Variants in EFL1 observed in about 807,000 individuals in gnomAD.
EFL1 encodes elongation factor-like GTPase 1.
Under a neutral mutation model 126.7 loss-of-function variants are expected in EFL1, and 76 were observed. The ratio of observed to expected loss-of-function variants is 0.60; its 90% CI spans 0.50 to 0.73. The LOEUF (loss-of-function observed/expected upper bound fraction) is 0.73, where lower values mean the gene tolerates loss of function less well. Among genes scored for constraint, EFL1 ranks in the 30% least tolerant of loss-of-function variants. The pLI is 0.00. For synonymous variants in EFL1, 410 were observed against 448.4 expected, an observed-to-expected ratio of 0.91 and a Z score of 1.08; for missense variants, 1,128 against 1,343.2, an observed-to-expected ratio of 0.84 and a Z score of 2.50.
intron 4 of EFL1, among the ~76,000 whole-genome samples, chr15:82,246,927 C>A (rs2074978173): frequency 6.6e-6 from 1 of 152,052 alleles, no homozygotes; most frequent in Non-Finnish European, 1.5e-5. Context: ...GTCTGGAGGA[C>A]CACTTGAGAA....
intron 17 of EFL1, among the ~76,000 whole-genome samples, chr15:82,156,340 G>A (rs1188899574): frequency 6.6e-6 from 1 of 152,162 alleles, no homozygotes; most frequent in Admixed American, 6.5e-5. Flanking sequence ...AGGCTACAGT[G>A]CAGTGGTGTG....
At chr15:82,246,109 T>C (rs2074970717) in intron 4 of EFL1, among the ~76,000 whole-genome samples, 1 of 152,072 alleles carries the variant, frequency 6.6e-6, no homozygotes, top group African/African-American at 2.4e-5. Flanking sequence ...CTGATTACAT[T>C]TGGCCTCACC....
intron 4 of EFL1, among the ~76,000 whole-genome samples, chr15:82,251,675 C>T (rs1468039989): frequency 1.3e-5 from 2 of 152,044 alleles, no homozygotes; most frequent in African/African-American, 4.8e-5. Flanking sequence ...CATTAAACAT[C>T]GAGAAATCAT....
At chr15:82,149,280 T>C (rs2073882883) in intron 18 of EFL1, among the ~76,000 whole-genome samples, 1 of 152,174 alleles carries the variant, frequency 6.6e-6, no homozygotes, top group Non-Finnish European at 1.5e-5. Flanking sequence ...ATAGACTCAG[T>C]ACTCATACAC....
chr15:82,259,389 C>T (rs1375659561), intron 2 of EFL1, among the ~76,000 whole-genome samples: 2 of 152,218 alleles, frequency 1.3e-5, no homozygotes, highest in Non-Finnish European at 2.9e-5. Flanking sequence ...TGGATCTACT[C>T]AACCTCATCT....
chr15:82,148,611 T>G (rs1043784563), intron 18 of EFL1, among the ~76,000 whole-genome samples: 1 of 152,090 alleles, frequency 6.6e-6, no homozygotes, highest in East Asian at 1.9e-4. Context: ...GTGGAACAAG[T>G]TGAAGTGGGA....
intron 14 of EFL1, chr15:82,215,550 T>C (rs1258950911): frequency 1.3e-5 from 2 of 152,312 alleles, no homozygotes; most frequent in East Asian, 3.9e-4. Context: ...ATTCAAATTT[T>C]GCATTGTGTG....
rs1595987676 is a variant in EFL1, at chr15:82,214,977, A to C, written c.1612-122T>G. 6 of 870,384 alleles carry C rather than the reference A, an allele frequency of 6.9e-6. No homozygotes were observed. The East Asian group carries it at 1.8e-4, about 26-fold the overall frequency. The allele number at this position is 870,384 out of a possible 1,614,324, so 53.9% of individuals were successfully genotyped here. Reference sequence around the variant, plus strand: ...ATAGCAACATTTCATGTAAACCTGAAATATGAACATTTGAAATGGTGTGAT... The same window carrying C: ...ATAGCAACATTTCATGTAAACCTGACATATGAACATTTGAAATGGTGTGAT... On this transcript the variant is annotated intron_variant, in intron 14 of 19. Coordinates refer to ENST00000268206, the MANE Select transcript of EFL1 (RefSeq NM_024580.6).
chr15:82,141,706 AAGAAAC>A (rs1168160951), intron 18 of EFL1, among the ~76,000 whole-genome samples: 1 of 151,840 alleles, frequency 6.6e-6, no homozygotes, highest in Non-Finnish European at 1.5e-5. Flanking sequence ...AAAAACAAAA[AAGAAAC>A]GTTTGAAGGT....
At chr15:82,146,690 G>T (rs2073850025) in intron 18 of EFL1, among the ~76,000 whole-genome samples, 1 of 151,660 alleles carries the variant, frequency 6.6e-6, no homozygotes, top group African/African-American at 2.4e-5. Flanking sequence ...GTTGGTCTCA[G>T]GGGCAAAGTA....
chr15:82,250,578 A>C (rs966655743), intron 4 of EFL1, among the ~76,000 whole-genome samples: 3 of 150,774 alleles, frequency 2.0e-5, no homozygotes, highest in African/African-American at 7.4e-5. Flanking sequence ...AGTCAGGGCA[A>C]GGTGAATGTA....
At chr15:82,210,181 T>C (rs763881064) in intron 15 of EFL1, among the ~76,000 whole-genome samples, 6 of 152,214 alleles carry the variant, frequency 3.9e-5, no homozygotes, top group Non-Finnish European at 7.3e-5. Flanking sequence ...CAAGAAATTA[T>C]CTACGATTAG....
intron 17 of EFL1, 135 bp downstream of exon 17, chr15:82,157,578 T>C: frequency 9.6e-7 from 1 of 1,042,172 alleles, no homozygotes; most frequent in Non-Finnish European, 1.4e-6. Context: ...CGAATAACTG[T>C]TCATGTCTGA....
intron 11 of EFL1, 88 bp from the exon 12 acceptor site, chr15:82,225,352 A>G: frequency 2.0e-6 from 2 of 1,023,416 alleles, no homozygotes; most frequent in Non-Finnish European, 2.8e-6. Context: ...TAAAATGTTT[A>G]GAACATGGAT....
intron 19 of EFL1, among the ~76,000 whole-genome samples, chr15:82,131,944 C>T (rs1471800624): frequency 6.6e-6 from 1 of 151,932 alleles, no homozygotes; most frequent in Non-Finnish European, 1.5e-5. Context: ...AAGTCAAGAG[C>T]CATCAAGTAT....
chr15:82,245,049 A>C (rs1426698886), intron 4 of EFL1, among the ~76,000 whole-genome samples: 1 of 152,158 alleles, frequency 6.6e-6, no homozygotes, highest in Non-Finnish European at 1.5e-5. Context: ...ACATGTTCCT[A>C]CATTCCTTAT....
At chr15:82,262,045 G>A (rs557629965) in intron 1 of EFL1, 40 of 364,948 alleles carry the variant, frequency 1.1e-4, no homozygotes, top group Non-Finnish European at 1.6e-4. Flanking sequence ...GATGAATCAC[G>A]CAGCTCGAGG....
At chr15:82,160,356 C>T (rs753856142) in intron 16 of EFL1, among the ~76,000 whole-genome samples, 2 of 152,266 alleles carry the variant, frequency 1.3e-5, no homozygotes, top group South Asian at 2.1e-4. Context: ...CGATGCTGAA[C>T]GCTTCCAAAT....
In EFL1 at chr15:82,214,591, C is replaced by T. The variant is rs1478409410; in HGVS notation, c.1750+126G>A. On this transcript the variant is annotated intron_variant, in intron 15 of 19. Coordinates refer to ENST00000268206, the MANE Select transcript of EFL1 (RefSeq NM_024580.6). Reference sequence around the variant, plus strand: ...ACTCCAATGTACTAAGTTAAAGATACCAGAAAAAAAAATTATCAAACTAAA... The same window carrying T: ...ACTCCAATGTACTAAGTTAAAGATATCAGAAAAAAAAATTATCAAACTAAA... 2.9e-5 allele frequency: 37 copies of T among 1,274,960 alleles called. No individual in the cohort carries two copies. In the East Asian group the frequency reaches 8.7e-4, roughly 30 times the overall value. 79.0% of individuals were successfully genotyped at this position (1,274,960 alleles called of 1,614,324 possible).
Sources: gnomAD v4.1 joint callset for allele counts (sites outside exome capture counted in the v4.1 genomes callset) on GRCh38, gnomAD v4.1.1 for gene constraint, MANE v1.5 for transcripts, NCBI Gene and HGNC (gene_info 2026-07-23, HGNC 2026-07-21) for gene names.